ARL5B: variants seen among roughly 807,000 people sequenced by gnomAD.
The protein encoded by ARL5B is ADP-ribosylation factor-like protein 5B.
ARL5B carries 10 observed loss-of-function variants against 26.9 expected under a neutral mutation model. That is an observed-to-expected ratio of 0.37 (90% CI 0.23 to 0.63). The LOEUF (loss-of-function observed/expected upper bound fraction) is 0.63. ARL5B is among the 30% of genes least tolerant of loss of function. The pLI is 0.62. For synonymous variants in ARL5B, 87 were observed against 70.4 expected (o/e 1.24, Z -1.18); for missense variants, 167 against 213.9 (o/e 0.78, Z 1.37).
chr10:18,671,175 T>A (rs1454229582), intron 3 of ARL5B, among the ~76,000 whole-genome samples: 1 of 152,138 alleles, frequency 6.6e-6, no homozygotes, highest in Non-Finnish European at 1.5e-5. Context: ...TTCCCTAATT[T>A]TATTTATTTT....
chr10:18,674,792 A>G (rs2059903450), intron 5 of ARL5B, among the ~76,000 whole-genome samples: 1 of 152,130 alleles, frequency 6.6e-6, no homozygotes, highest in Non-Finnish European at 1.5e-5. Context: ...TTTGACTCAT[A>G]CTTTTAAGAC....
rs2059922506 is a variant in ARL5B, at chr10:18,679,142, C to T, written c.*3926C>T. 1 of 151,562 alleles carries T rather than the reference C, an allele frequency of 6.6e-6. No homozygotes were observed. Among genetic ancestry groups the T allele is most frequent in the Non-Finnish European group, 1.5e-5 (1 of 67,750 alleles). 9.4% of individuals were successfully genotyped at this position (151,562 alleles called of 1,614,324 possible). A position where few individuals can be genotyped will look rare whatever the true frequency, so the allele number is the denominator to read the frequency against. On this transcript the variant is annotated 3_prime_UTR_variant, in exon 6 of 6. Transcript: ENST00000377275. ...TAACTGCTATTCAACTTAAATTCAGCGAATTAATAGCTGAATAGAAATAGC... is the reference window on the plus strand; with the variant it reads ...TAACTGCTATTCAACTTAAATTCAGTGAATTAATAGCTGAATAGAAATAGC...
rs1164595931 is a variant in ARL5B at position 18,673,971 on chromosome 10, G to C, written c.340-13G>C. 1 of 1,586,876 alleles carries C rather than the reference G, an allele frequency of 6.3e-7. No homozygotes were observed. Among genetic ancestry groups the C allele is most frequent in the Non-Finnish European group, 8.6e-7 (1 of 1,167,468 alleles). On this transcript the variant is annotated splice_polypyrimidine_tract_variant and intron_variant, in intron 4 of 5. Transcript: ENST00000377275. Reference sequence around the variant, plus strand: ...GTATTTCACATATTAGAAATATTTTGTCTTGATTGCAGGATTTACGGAAGG... The same window carrying C: ...GTATTTCACATATTAGAAATATTTTCTCTTGATTGCAGGATTTACGGAAGG...
chr10:18,666,536 A>G (rs1361048363), intron 1 of ARL5B, 39 bp from the exon 2 acceptor site: 5 of 1,497,346 alleles, frequency 3.3e-6, no homozygotes, highest in Non-Finnish European at 4.6e-6. Flanking sequence ...GCAGTAATGC[A>G]GTAGTGTTAA....
In ARL5B at chr10:18,679,104, A is replaced by G. The variant is rs1218570404; in HGVS notation, c.*3888A>G. 1 of 151,858 alleles carries G rather than the reference A, an allele frequency of 6.6e-6. No individual in the cohort carries two copies. Among genetic ancestry groups the G allele is most frequent in the Non-Finnish European group, 1.5e-5 (1 of 67,802 alleles). 9.4% of individuals were successfully genotyped at this position (151,858 alleles called of 1,614,324 possible). A position where few individuals can be genotyped will look rare whatever the true frequency, so the allele number is the denominator to read the frequency against. On this transcript the variant is annotated 3_prime_UTR_variant, in exon 6 of 6. Coordinates refer to ENST00000377275, the MANE Select transcript of ARL5B (RefSeq NM_178815.5). ...AGAATACGAATACAACCAAGTAGGG[A>G]AAAACGTATCAGTAACTGCTATTCA...
chr10:18,675,092 A>C, intron 5 of ARL5B, 76 bp from the exon 6 acceptor site: 1 of 1,357,300 alleles, frequency 7.4e-7, no homozygotes, highest in Non-Finnish European at 1.0e-6. Flanking sequence ...TTTGGTTAAG[A>C]CCTAAAAATA....
Position 18,659,464 on chromosome 10 carries a change from A to T in ARL5B, c.-174A>T, listed in dbSNP as rs1254140747. 3 of 780,292 alleles carry T rather than the reference A, an allele frequency of 3.8e-6. No individual in the cohort carries two copies. Among genetic ancestry groups the T allele is most frequent in the Non-Finnish European group, 5.8e-6 (3 of 521,156 alleles). The allele number at this position is 780,292 out of a possible 1,614,324, so 48.3% of individuals were successfully genotyped here. ...CGAAACAAAGGGCTGTCCGGTGGGGATTCGTCGCGGCGCCTTCTGAGTGGT... is the reference window on the plus strand; with the variant it reads ...CGAAACAAAGGGCTGTCCGGTGGGGTTTCGTCGCGGCGCCTTCTGAGTGGT... On this transcript the variant is annotated 5_prime_UTR_variant, in exon 1 of 6. Transcript: ENST00000377275.
rs2059930609 is a variant in ARL5B at position 18,681,212 on chromosome 10, A to G, written c.*5996A>G. ...ACCACAAACTGTGTGTCTGAACCCC[A>G]GCCAAACAAATGTGTTCCATTGGTC... is the stretch of plus-strand genomic sequence containing the variant. On this transcript the variant is annotated 3_prime_UTR_variant, in exon 6 of 6. Coordinates refer to ENST00000377275, the MANE Select transcript of ARL5B (RefSeq NM_178815.5). The G allele has an allele frequency of 6.6e-6, 1 of 152,334 alleles. No homozygotes were observed. Among genetic ancestry groups the G allele is most frequent in the South Asian group, 2.1e-4 (1 of 4,828 alleles). The allele number at this position is 152,334 out of a possible 1,614,324, so 9.4% of individuals were successfully genotyped here. A position where few individuals can be genotyped will look rare whatever the true frequency, so the allele number is the denominator to read the frequency against.
chr10:18,675,096 A>G, intron 5 of ARL5B, 72 bp from the exon 6 acceptor site: 2 of 1,448,018 alleles, frequency 1.4e-6, no homozygotes, highest in Non-Finnish European at 1.9e-6. Flanking sequence ...GTTAAGACCT[A>G]AAAATAATAA....
At chr10:18,664,053 A>T (rs2059849422) in intron 1 of ARL5B, among the ~76,000 whole-genome samples, 2 of 151,916 alleles carry the variant, frequency 1.3e-5, no homozygotes, top group South Asian at 4.1e-4. Context: ...TCCCAGGTTC[A>T]AGTGATTCTC....
Position 18,675,224 on chromosome 10 carries a change from G to T in ARL5B, c.*8G>T, listed in dbSNP as rs370695851. 4.7e-5 allele frequency: 76 copies of T among 1,612,562 alleles called. No homozygotes were observed. Among genetic ancestry groups the T allele is most frequent in the Non-Finnish European group, 6.4e-5 (75 of 1,178,700 alleles). On this transcript the variant is annotated 3_prime_UTR_variant, in exon 6 of 6. Coordinates refer to ENST00000377275, the MANE Select transcript of ARL5B (RefSeq NM_178815.5). ...CGGATTGGTGTGAGATAACTTTTTT[G>T]CTTGAAAGAGACTGCTCTATTTATT...
At position 18,668,545 on chromosome 10, in the gene ARL5B, G is replaced by C. The variant is rs960130546; in HGVS notation, c.123G>C (p.Val41=). 1.9e-6 allele frequency: 3 copies of C among 1,613,892 alleles called. No individual in the cohort carries two copies. The highest frequency in any genetic ancestry group is 2.5e-6 in the Non-Finnish European group (3 of 1,179,974). ...TTTTCAACAGCTTAATGAATGAAGT[G>C]GTTCATACTTCTCCAACCATAGGAA... ...TILYQFLMNE[V]VHTSPTIGSN... Residue 41 remains valine (V), a synonymous_variant, in exon 3 of 6, where the codon GTG becomes GTC. Transcript: ENST00000377275.
In ARL5B at chr10:18,672,705, G is replaced by T; in HGVS notation, c.339G>T (p.Glu113Asp). 6.2e-7 allele frequency: 1 copy of T among 1,601,012 alleles called. No homozygotes were observed. The highest frequency in any genetic ancestry group is 1.1e-5 in the South Asian group (1 of 89,548). ...KEELYRMLAH[E>D]DLRKAAVLIF... ...AATTATACAGAATGTTGGCTCATGA[G>T]GTAAATTTTTAAAGTAAATCTTTAA... Residue 113 changes from glutamate (E) to aspartate (D), a missense_variant and splice_region_variant, in exon 4 of 6, where the codon GAG becomes GAT. Transcript: ENST00000377275.
chr10:18,670,198 T>C (rs1177611928), intron 3 of ARL5B, among the ~76,000 whole-genome samples: 1 of 152,164 alleles, frequency 6.6e-6, no homozygotes, highest in Non-Finnish European at 1.5e-5. Context: ...TAATCAGAAC[T>C]TGTGGTAGCA....
At chr10:18,665,155 G>A (rs547603944) in intron 1 of ARL5B, among the ~76,000 whole-genome samples, 3 of 151,548 alleles carry the variant, frequency 2.0e-5, no homozygotes, top group African/African-American at 7.2e-5. Context: ...ATAACAAACA[G>A]GGTAATACTT....
At chr10:18,673,858 A>T (rs750750626) in intron 4 of ARL5B, 126 bp from the exon 5 acceptor site, 90 of 726,676 alleles carry the variant, frequency 1.2e-4, no homozygotes, top group Non-Finnish European at 1.7e-4. Flanking sequence ...GGTATTTGAG[A>T]TTATTTTTAT....
intron 3 of ARL5B, 143 bp from the exon 4 acceptor site, chr10:18,672,479 C>A: frequency 1.9e-6 from 1 of 528,946 alleles, no homozygotes; most frequent in Non-Finnish European, 3.4e-6. Flanking sequence ...ATTATAAAAG[C>A]TGTTTATGGT....
intron 4 of ARL5B, 108 bp from the exon 5 acceptor site, chr10:18,673,876 A>G: frequency 1.1e-6 from 1 of 912,852 alleles, no homozygotes; most frequent in South Asian, 3.5e-5. Context: ...TATGTTAAAT[A>G]CTAGTGCCCG....
intron 1 of ARL5B, among the ~76,000 whole-genome samples, chr10:18,665,346 G>T (rs923417261): frequency 2.6e-5 from 4 of 152,070 alleles, no homozygotes; most frequent in African/African-American, 9.7e-5. Context: ...TAAATAAGGA[G>T]AATTATAGTG....
Sources: allele counts gnomAD v4.1 joint callset (sites outside exome capture counted in the v4.1 genomes callset), GRCh38; gene constraint gnomAD v4.1.1; transcripts MANE v1.5; gene names NCBI Gene and HGNC (gene_info 2026-07-23, HGNC 2026-07-21).